The following MYO7B variants were observed in gnomAD, a reference collection of about 807,000 sequenced individuals.
The protein encoded by MYO7B is myosin VIIB.
A neutral mutation model predicts 259.7 loss-of-function variants in MYO7B; 212 were observed. The ratio of observed to expected loss-of-function variants is 0.82; its 90% CI spans 0.73 to 0.91. The LOEUF (loss-of-function observed/expected upper bound fraction) is 0.91, where lower values mean the gene tolerates loss of function less well. Ranked by LOEUF, MYO7B falls within the 40% of genes least tolerant of loss-of-function variation. The pLI is 0.00. For missense variants in MYO7B, 2,732 were observed against 2,813.5 expected (o/e 0.97, Z 0.66); for synonymous variants, 1,197 against 1,166.4 (o/e 1.03, Z -0.54).
intron 1 of MYO7B, among the ~76,000 whole-genome samples, chr2:127,554,812 G>A (rs1329109153): frequency 1.3e-5 from 2 of 152,086 alleles, no homozygotes; most frequent in Non-Finnish European, 2.9e-5. Context: ...TAAATTAGGA[G>A]GGTGTATTTT....
intron 19 of MYO7B, among the ~76,000 whole-genome samples, chr2:127,600,432 C>T (rs756209355): frequency 2.6e-5 from 4 of 152,180 alleles, no homozygotes; most frequent in East Asian, 1.9e-4. Context: ...TTGTCCTGGC[C>T]GGGCATGGTG....
intron 1 of MYO7B, among the ~76,000 whole-genome samples, chr2:127,553,751 C>A (rs1180618386): frequency 6.6e-6 from 1 of 152,170 alleles, no homozygotes; most frequent in African/African-American, 2.4e-5. Context: ...CCTGTTATTT[C>A]TTTCTCTTGT....
At chr2:127,600,391 G>A (rs943510506) in intron 19 of MYO7B, among the ~76,000 whole-genome samples, 2 of 151,400 alleles carry the variant, frequency 1.3e-5, no homozygotes, top group East Asian at 3.9e-4. Context: ...TTTTTTTCTT[G>A]GTCAGTCTTG....
At chr2:127,617,031 T>TA (rs1333726968) in intron 26 of MYO7B, among the ~76,000 whole-genome samples, 1 of 152,228 alleles carries the variant, frequency 6.6e-6, no homozygotes, top group African/African-American at 2.4e-5. Flanking sequence ...GCTTAACCCT[T>TA]GGCTTCTTTT....
rs1475975781 is a variant in MYO7B at position 127,592,793 on chromosome 2, G to GT, written c.1993-1_1993insT (p.Leu665SerfsTer65). On this transcript the variant is annotated frameshift_variant and splice_region_variant. Coordinates refer to ENST00000409816, the MANE Select transcript of MYO7B (RefSeq NM_001393586.1). LOFTEE classifies it high-confidence loss of function. ...GGTCAGCGCCCGGTGTCCGCCCACA[G>GT]CTGTTCGACCGGGAGCTGTGCCTGC... 5 of 1,609,042 alleles carry GT rather than the reference G, an allele frequency of 3.1e-6. 1 individual carries two copies. The Admixed American group carries it at 8.4e-5, about 27-fold the overall frequency.
rs1681245506 is a variant in MYO7B, at chr2:127,628,044, T to G, written c.4461-328T>G. ...CACGCCGAGGTTAGGTGGCTCAGAG[T>G]AAGCACATGGCAGAGCCGGCAGCTC... On this transcript the variant is annotated intron_variant, in intron 33 of 47. Coordinates refer to ENST00000409816, the MANE Select transcript of MYO7B (RefSeq NM_001393586.1). This position sits in a 1 kb window ranked among gnomAD's most constrained non-coding sequence, Gnocchi z 4.8. 1.9e-6 allele frequency: 1 copy of G among 535,228 alleles called. No individual in the cohort carries two copies. Among genetic ancestry groups the G allele is most frequent in the African/African-American group, 1.9e-5 (1 of 52,868 alleles). The allele number at this position is 535,228 out of a possible 1,614,324, so 33.2% of individuals were successfully genotyped here.
chr2:127,636,275 A>G lies in MYO7B; in HGVS notation c.6074A>G (p.Lys2025Arg). 1 of 1,613,602 alleles carries G rather than the reference A, an allele frequency of 6.2e-7. No individual in the cohort carries two copies. Among genetic ancestry groups the G allele is most frequent in the South Asian group, 1.1e-5 (1 of 91,076 alleles). ...GAGGAGGCCAAGGTGGCCTTCCTGA[A>G]GTGGATCTGCCGGTGGCCCACCTTC... ...TVEEAKVAFL[K>R]WICRWPTFGS... Residue 2025 changes from lysine to arginine, a missense_variant, in exon 45 of 48, where the codon AAG becomes AGG. Transcript: ENST00000409816. The surrounding 1 kb of genome is among the most constrained non-coding windows in gnomAD (Gnocchi z 4.5).
intron 4 of MYO7B, among the ~76,000 whole-genome samples, chr2:127,565,820 A>C (rs1172824491): frequency 6.6e-6 from 1 of 152,226 alleles, no homozygotes; most frequent in Non-Finnish European, 1.5e-5. Context: ...CCTCCGTGCA[A>C]ACCTGGCCTG....
intron 30 of MYO7B, 76 bp from the exon 31 acceptor site, chr2:127,625,292 G>A (rs559123929): frequency 8.6e-5 from 121 of 1,409,040 alleles, no homozygotes; most frequent in Middle Eastern, 7.6e-4. Context: ...GCCCGGCCAC[G>A]GGACAGGGGC....
Position 127,634,198 on chromosome 2 carries a change from C to T in MYO7B, c.5534C>T (p.Thr1845Ile), listed in dbSNP as rs1397500703. Reference sequence around the variant, plus strand: ...CAGATGCTGGAGGTGGTTGCCAACACACGGGTGCGGGATGTGTGTGACAGC... The same window carrying T: ...CAGATGCTGGAGGTGGTTGCCAACATACGGGTGCGGGATGTGTGTGACAGC... ...TSEMLEVVAN[T>I]RVRDVCDSIA... is the part of the protein sequence containing the mutation. The change falls in exon 41 of 48, where the codon ACA becomes ATA. Residue 1845 changes from threonine (T) to isoleucine (I), a missense_variant. Thr to Ile is a moderately conservative substitution (Grantham distance 89). This residue lies in a region of MYO7B where 821 missense variants were observed against 769.3 expected (regional missense o/e 1.07). Transcript: ENST00000409816. 3.1e-6 allele frequency: 5 copies of T among 1,606,752 alleles called. No individual in the cohort carries two copies. Among genetic ancestry groups the T allele is most frequent in the Non-Finnish European group, 4.2e-6 (5 of 1,177,386 alleles).
At chr2:127,549,371 G>A (rs887075513) in intron 1 of MYO7B, among the ~76,000 whole-genome samples, 3 of 152,230 alleles carry the variant, frequency 2.0e-5, no homozygotes, top group East Asian at 3.9e-4. Flanking sequence ...GGTTCGTTAC[G>A]TGGATACATT....
intron 4 of MYO7B, among the ~76,000 whole-genome samples, chr2:127,565,858 C>T (rs753945167): frequency 3.3e-5 from 5 of 152,258 alleles, no homozygotes; most frequent in African/African-American, 1.2e-4. Context: ...GCCTGAAGCT[C>T]TCATCCTGGT....
rs187020541 is a variant in MYO7B at position 127,635,918 on chromosome 2, G to A, written c.6006+11G>A. ...GAGGAGTGGAAAAAGGTCCCTGGTC[G>A]GGCTGGGGAAGGGTTCTTGTGCTGC... is the stretch of plus-strand genomic sequence containing the variant. On this transcript the variant is annotated intron_variant, in intron 44 of 47. Coordinates refer to ENST00000409816, the MANE Select transcript of MYO7B (RefSeq NM_001393586.1). 282 of 1,559,566 alleles carry A rather than the reference G, an allele frequency of 1.8e-4. No homozygotes were observed. In the African/African-American group the frequency reaches 3.2e-3, roughly 18 times the overall value.
intron 21 of MYO7B, among the ~76,000 whole-genome samples, chr2:127,608,392 T>G (rs1280941274): frequency 6.6e-6 from 1 of 152,130 alleles, no homozygotes; most frequent in Non-Finnish European, 1.5e-5. Context: ...GAGCAGTGGT[T>G]GTGCAGCTGG....
rs371201490 is a variant in MYO7B, at chr2:127,636,233, A to G, written c.6032A>G (p.His2011Arg). The change falls in exon 45 of 48, where the codon CAT (histidine) becomes CGT (arginine). Residue 2011 changes from histidine to arginine, a missense_variant. Physicochemically the swap from His to Arg is conservative, Grantham distance 29 (BLOSUM62 0). Transcript: ENST00000409816. The surrounding 1 kb of genome is among the most constrained non-coding windows in gnomAD (Gnocchi z 4.5). ...AGCATCCTTCTAGCCTATGACAAGC[A>G]TAAGGACAAGACAGTGGAGGAGGCC... The part of the protein sequence containing the change: ...KKSILLAYDK[H>R]KDKTVEEAKV... 35 of 1,613,362 alleles carry G rather than the reference A, an allele frequency of 2.2e-5. No homozygotes were observed. The highest frequency in any genetic ancestry group is 1.6e-4 in the Middle Eastern group (1 of 6,082).
Position 127,569,863 on chromosome 2 carries a change from A to G in MYO7B, c.545A>G (p.His182Arg). The change falls in exon 6 of 48, where the codon CAT becomes CGT. Residue 182 changes from histidine (H) to arginine (R), a missense_variant. By Grantham distance (29) the His-to-Arg change is conservative. Around this residue, in one of 3 missense-constraint regions of MYO7B, gnomAD observed 1,906 missense variants for 2,026.4 expected, o/e 0.94. Coordinates refer to ENST00000409816, the MANE Select transcript of MYO7B (RefSeq NM_001393586.1). ...LQFLATISGQ[H>R]SWIEQQVLEA... is the part of the protein sequence containing the mutation. ...TTCCTGGCCACCATCAGTGGCCAGC[A>G]TTCGTGGATTGAGCAGCAGGTCCTG... The G allele has an allele frequency of 6.2e-7, 1 of 1,613,372 alleles. No individual in the cohort carries two copies. Among genetic ancestry groups the G allele is most frequent in the Non-Finnish European group, 8.5e-7 (1 of 1,179,514 alleles).
In MYO7B at chr2:127,624,142, G is replaced by T. The variant is rs2245408; in HGVS notation, c.3869G>T (p.Arg1290Leu). ...GRDHMMDAIA[R>L]CEQMAQERGE... ...GACCACATGATGGATGCCATCGCCC[G>T]GTGTGAGCAGATGGCCCAGGAGAGG... The change falls in exon 30 of 48, where the codon CGG (arginine) becomes CTG (leucine). Residue 1290 changes from arginine (R) to leucine (L), a missense_variant. Arg to Leu is a moderately radical substitution (Grantham distance 102, BLOSUM62 -2). Coordinates refer to ENST00000409816, the MANE Select transcript of MYO7B (RefSeq NM_001393586.1). The T allele has an allele frequency of 6.3e-7, 1 of 1,593,602 alleles. No homozygotes were observed. The highest frequency in any genetic ancestry group is 1.1e-5 in the South Asian group (1 of 87,676).
Position 127,637,300 on chromosome 2 carries a change from C to CA in MYO7B, c.6328-16_6328-15insA, listed in dbSNP as rs59579995. The stretch of plus-strand genomic sequence containing the variant: ...CTCTGCACCCACAGCCTCTGACCCC[C>CA]CCGTCCCCTGTCCAGGGCTATAAGA... On this transcript the variant is annotated splice_polypyrimidine_tract_variant and intron_variant, in intron 47 of 47. Transcript: ENST00000409816. 498,382 of 1,539,286 alleles carry CA rather than the reference C, an allele frequency of 0.32. 82,086 individuals are homozygous for CA. Among genetic ancestry groups the CA allele is most frequent in the South Asian group, 0.49 (40,967 of 84,318 alleles).
At position 127,580,778 on chromosome 2, in the gene MYO7B, G is replaced by A. The variant is rs778604208; in HGVS notation, c.1036G>A (p.Val346Met). The A allele has an allele frequency of 2.6e-5, 42 of 1,613,482 alleles. No individual in the cohort carries two copies. Among genetic ancestry groups the A allele is most frequent in the Middle Eastern group, 3.3e-4 (2 of 6,084 alleles). The change falls in exon 10 of 48, where the codon GTG becomes ATG. Residue 346 changes from valine (V) to methionine (M), a missense_variant. Around this residue, in one of 3 missense-constraint regions of MYO7B, gnomAD observed 1,906 missense variants for 2,026.4 expected, o/e 0.94. Coordinates refer to ENST00000409816, the MANE Select transcript of MYO7B (RefSeq NM_001393586.1). ...SVFENLDASD[V>M]METPAFPTVM... ...CTTCGAGAACCTGGACGCCTCAGAC[G>A]TGATGGAGACGCCCGCCTTTCCCAC... is the stretch of plus-strand genomic sequence containing the variant.
Sources: allele counts gnomAD v4.1 joint callset (sites outside exome capture counted in the v4.1 genomes callset), GRCh38; gene constraint gnomAD v4.1.1; regional missense constraint gnomAD v4.1.1; non-coding constraint Gnocchi (gnomAD v3.1); transcripts MANE v1.5; gene names NCBI Gene and HGNC (gene_info 2026-07-23, HGNC 2026-07-21).